The following SMAD2 variants were observed in gnomAD, a reference collection of about 807,000 sequenced individuals.
SMAD2 encodes the protein SMAD family member 2.
A neutral mutation model predicts 64.4 loss-of-function variants in SMAD2; 8 were observed. The observed-to-expected ratio is 0.12, with a 90% confidence interval of 0.07 to 0.22. The LOEUF (loss-of-function observed/expected upper bound fraction) is 0.22. SMAD2 is among the 10% of genes least tolerant of loss of function. SMAD2 has a pLI of 1.00. For missense variants in SMAD2, 289 were observed against 561.2 expected (o/e 0.51, Z 4.90); for synonymous variants, 203 against 195.8 (o/e 1.04, Z -0.31).
chr18:47,834,641 A>G lies in SMAD2; in HGVS notation c.*7186T>C, dbSNP rs1371263275. The G allele has an allele frequency of 4.9e-5, 3 of 61,776 alleles. No individual in the cohort carries two copies. The highest frequency in any genetic ancestry group is 2.4e-4 in the African/African-American group (1 of 4,202). The allele number at this position is 61,776 out of a possible 1,614,324, so 3.8% of individuals were successfully genotyped here. ...TGCTAAAAGGCTAGGAAGTCCAGAA[A>G]TACCTTAAACGTGTTAACTTTAAGA... On this transcript the variant is annotated 3_prime_UTR_variant, in exon 11 of 11. Transcript: ENST00000262160.
rs772311710 is a variant in SMAD2 at position 47,845,375 on chromosome 18, T to C, written c.1245A>G (p.Arg415=). 3.9e-5 allele frequency: 63 copies of C among 1,613,828 alleles called. No individual in the cohort carries two copies. In the Middle Eastern group the frequency reaches 8.2e-4, roughly 21 times the overall value. Residue 415 remains arginine (R), a synonymous_variant, in exon 10 of 11, where the codon AGA becomes AGG. Coordinates refer to ENST00000262160, the MANE Select transcript of SMAD2 (RefSeq NM_005901.6). The part of the protein sequence containing the change: ...VYQLTRMCTI[R]MSFVKGWGAE... ...CTCCCCACCCTTTCACAAAACTCAT[T>C]CTTATGGTGCACATTCTAGTTAGCT...
chr18:47,874,261 G>C (rs1322605592), intron 2 of SMAD2, among the ~76,000 whole-genome samples: 2 of 152,134 alleles, frequency 1.3e-5, no homozygotes, highest in African/African-American at 4.8e-5. Flanking sequence ...AAGAATTACT[G>C]ACCCATGGAT....
At position 47,820,111 on chromosome 18, in the gene SMAD2, C is replaced by A. The variant is rs1015400289; in HGVS notation, c.*21716G>T. On this transcript the variant is annotated 3_prime_UTR_variant, in exon 11 of 11. Transcript: ENST00000262160. ...ATTAATCTTCAGTAAATGTCTGGAT[C>A]ATTTCCAAAAAAAAACAATAAACTG... is the stretch of plus-strand genomic sequence containing the variant. 1.3e-5 allele frequency: 2 copies of A among 151,806 alleles called. No homozygotes were observed. Among genetic ancestry groups the A allele is most frequent in the Admixed American group, 1.3e-4 (2 of 15,252 alleles). The allele number at this position is 151,806 out of a possible 1,614,324, so 9.4% of individuals were successfully genotyped here.
intron 7 of SMAD2, among the ~76,000 whole-genome samples, chr18:47,850,188 T>C (rs1195728900): frequency 9.6e-6 from 1 of 104,348 alleles, no homozygotes; most frequent in Admixed American, 1.6e-4. Flanking sequence ...ATATATATAT[T>C]ATATATAGTA....
intron 5 of SMAD2, among the ~76,000 whole-genome samples, chr18:47,867,811 T>C (rs1456707866): frequency 6.6e-6 from 1 of 152,158 alleles, no homozygotes; most frequent in Non-Finnish European, 1.5e-5. Context: ...CGAAACATAA[T>C]TAAAGGAGGT....
rs1042232799 is a variant in SMAD2 at position 47,815,232 on chromosome 18, T to C, written c.*26595A>G. The C allele has an allele frequency of 1.3e-5, 2 of 152,214 alleles. No homozygotes were observed. Among genetic ancestry groups the C allele is most frequent in the Non-Finnish European group, 2.9e-5 (2 of 68,040 alleles). 9.4% of individuals were successfully genotyped at this position (152,214 alleles called of 1,614,324 possible). A position where few individuals can be genotyped will look rare whatever the true frequency, so the allele number is the denominator to read the frequency against. ...AATCGAAAGAGAACGTTATCTTTGATTGGCAAGTTTAAGGCCATCCACCTC... is the reference window on the plus strand; with the variant it reads ...AATCGAAAGAGAACGTTATCTTTGACTGGCAAGTTTAAGGCCATCCACCTC... On this transcript the variant is annotated 3_prime_UTR_variant, in exon 11 of 11. Coordinates refer to ENST00000262160, the MANE Select transcript of SMAD2 (RefSeq NM_005901.6).
chr18:47,863,064 C>G (rs1180528590), intron 6 of SMAD2, among the ~76,000 whole-genome samples: 1 of 151,756 alleles, frequency 6.6e-6, no homozygotes, highest in Non-Finnish European at 1.5e-5. Context: ...TCTGGTTGCC[C>G]TTTTAAAAAA....
At chr18:47,916,072 C>T (rs540313052) in intron 1 of SMAD2, among the ~76,000 whole-genome samples, 1 of 152,222 alleles carries the variant, frequency 6.6e-6, no homozygotes, top group Admixed American at 6.5e-5. Flanking sequence ...ATTTCATTTA[C>T]GAGTTTTCTA....
rs1380452393 is a variant in SMAD2, at chr18:47,831,604, C to T, written c.*10223G>A. 2 of 152,162 alleles carry T rather than the reference C, an allele frequency of 1.3e-5. No homozygotes were observed. Among genetic ancestry groups the T allele is most frequent in the African/African-American group, 2.4e-5 (1 of 41,444 alleles). 9.4% of individuals were successfully genotyped at this position (152,162 alleles called of 1,614,324 possible). On this transcript the variant is annotated 3_prime_UTR_variant, in exon 11 of 11. Coordinates refer to ENST00000262160, the MANE Select transcript of SMAD2 (RefSeq NM_005901.6). ...AACCAATAAAGTCATGCAGTTTGGA[C>T]GGGAGCACAGTAATACATTCTGTTC...
intron 2 of SMAD2, chr18:47,895,134 C>G (rs2033380136): frequency 6.6e-6 from 1 of 152,276 alleles, no homozygotes; most frequent in Admixed American, 6.5e-5. Context: ...AATAAACTTA[C>G]TTGCATCCTG....
At chr18:47,916,032 C>A (rs1460912411) in intron 1 of SMAD2, among the ~76,000 whole-genome samples, 4 of 152,162 alleles carry the variant, frequency 2.6e-5, no homozygotes, top group African/African-American at 9.7e-5. Context: ...TATCATATGG[C>A]CTTTCTCCTT....
chr18:47,894,325 C>T (rs1349147451), intron 2 of SMAD2, among the ~76,000 whole-genome samples: 3 of 152,180 alleles, frequency 2.0e-5, no homozygotes, highest in Non-Finnish European at 2.9e-5. Flanking sequence ...CTGCAACCCA[C>T]GTTGCACTTG....
Position 47,836,793 on chromosome 18 carries a change from T to C in SMAD2, c.*5034A>G, listed in dbSNP as rs1482698232. Reference sequence around the variant, plus strand: ...TCATGAGGCTATCTAGTATAGCTCATATTTCCTGGTTGTAAGGCTCAAAAC... The same window carrying C: ...TCATGAGGCTATCTAGTATAGCTCACATTTCCTGGTTGTAAGGCTCAAAAC... On this transcript the variant is annotated 3_prime_UTR_variant, in exon 11 of 11. Transcript: ENST00000262160. The C allele has an allele frequency of 1.4e-5, 3 of 218,630 alleles. No homozygotes were observed. Among genetic ancestry groups the C allele is most frequent in the African/African-American group, 2.3e-5 (1 of 44,396 alleles). The allele number at this position is 218,630 out of a possible 1,614,324, so 13.5% of individuals were successfully genotyped here. A position where few individuals can be genotyped will look rare whatever the true frequency, so the allele number is the denominator to read the frequency against.
At chr18:47,868,192 GA>G in intron 5 of SMAD2, 130 bp downstream of exon 5, 1 of 784,156 alleles carries the variant, frequency 1.3e-6, no homozygotes, top group Non-Finnish European at 2.2e-6. Context: ...ATCACCCAAC[GA>G]ATCCAATTTT....
At chr18:47,891,235 G>A (rs560412012) in intron 2 of SMAD2, among the ~76,000 whole-genome samples, 193 of 152,306 alleles carry the variant, frequency 1.3e-3, no homozygotes, top group African/African-American at 4.5e-3. Flanking sequence ...AACCTGGGAG[G>A]CGGAAGTTGC....
intron 5 of SMAD2, among the ~76,000 whole-genome samples, chr18:47,866,083 G>A (rs2031531444): frequency 2.0e-5 from 3 of 152,030 alleles, no homozygotes; most frequent in Non-Finnish European, 1.5e-5. Flanking sequence ...TTGGGAGGCC[G>A]AGGCAGGCAG....
rs1913000702 is a variant in SMAD2 at position 47,831,706 on chromosome 18, G to A, written c.*10121C>T. The A allele has an allele frequency of 6.6e-6, 1 of 152,168 alleles. No homozygotes were observed. Among genetic ancestry groups the A allele is most frequent in the Non-Finnish European group, 1.5e-5 (1 of 68,038 alleles). The allele number at this position is 152,168 out of a possible 1,614,324, so 9.4% of individuals were successfully genotyped here. On this transcript the variant is annotated 3_prime_UTR_variant, in exon 11 of 11. Coordinates refer to ENST00000262160, the MANE Select transcript of SMAD2 (RefSeq NM_005901.6). ...TGTTATCTGCTAAGTCTGATTCAAT[G>A]TTCTTGCCTTCTATTAATGTGATTT...
intron 2 of SMAD2, among the ~76,000 whole-genome samples, chr18:47,885,989 G>A (rs985103863): frequency 6.6e-6 from 1 of 152,186 alleles, no homozygotes; most frequent in African/African-American, 2.4e-5. Flanking sequence ...AAAGTATATG[G>A]TGGGGGATGT....
intron 2 of SMAD2, chr18:47,895,561 A>G (rs1484042959): frequency 6.6e-6 from 1 of 152,220 alleles, no homozygotes; most frequent in African/African-American, 2.4e-5. Context: ...TCTACATAGC[A>G]AACACTCAAT....
Sources: gnomAD v4.1 joint callset for allele counts (sites outside exome capture counted in the v4.1 genomes callset) on GRCh38, gnomAD v4.1.1 for gene constraint, MANE v1.5 for transcripts, NCBI Gene and HGNC (gene_info 2026-07-23, HGNC 2026-07-21) for gene names.